Variants in PDE6A observed in about 807,000 individuals in gnomAD.
The protein encoded by PDE6A is phosphodiesterase 6A, also known as rod cGMP-specific 3',5'-cyclic phosphodiesterase subunit alpha.
A neutral mutation model predicts 106.3 loss-of-function variants in PDE6A; 84 were observed. The observed-to-expected ratio is 0.79, with a 90% CI of 0.66 to 0.95. The LOEUF is 0.95. Among genes scored for constraint, PDE6A ranks in the 40% least tolerant of loss-of-function variants. The pLI is 0.00. For missense variants in PDE6A, 1,052 were observed against 1,084.9 expected (o/e 0.97, Z 0.43); for synonymous variants, 394 against 386.6 (o/e 1.02, Z -0.23).
intron 12 of PDE6A, among the ~76,000 whole-genome samples, chr5:149,895,645 C>A (rs550228496): frequency 1.1e-3 from 171 of 150,186 alleles, no homozygotes; most frequent in Middle Eastern, 3.4e-3. Context: ...AAAAAAAAAA[C>A]AAAAACAAAA....
chr5:149,897,479 G>A lies in PDE6A; in HGVS notation c.1408-703C>T, dbSNP rs369550611. Among the ~76,000 whole-genome samples the A allele has an allele frequency of 3.9e-5, 6 of 152,308 alleles. 1 individual carries two copies. The highest frequency in any genetic ancestry group is 1.9e-4 in the East Asian group (1 of 5,194). ...AAACCATGAGGCAATTTATTTAAAC[G>A]GGATGTTTTCTCTTCTGAATTTAAC... On this transcript the variant is annotated intron_variant, in intron 10 of 21. Coordinates refer to ENST00000255266, the MANE Select transcript of PDE6A (RefSeq NM_000440.3).
chr5:149,884,555 T>C lies in PDE6A; in HGVS notation c.1951A>G (p.Asn651Asp). 6.2e-7 allele frequency: 1 copy of C among 1,613,748 alleles called. No individual in the cohort carries two copies. The highest frequency in any genetic ancestry group is 8.5e-7 in the Non-Finnish European group (1 of 1,179,808). ...ATGGCATGCTCATGCTGTCGACGAT[T>C]GAGGTTTTGAAAGATATTCAGGCTC... ...DESLNIFQNL[N>D]RRQHEHAIHM... is the part of the protein sequence containing the mutation. Residue 651 changes from asparagine to aspartate, a missense_variant, in exon 16 of 22, where the codon AAT becomes GAT. By Grantham distance (23) the Asn-to-Asp change is conservative. Around this residue, in one of 3 missense-constraint regions of PDE6A, gnomAD observed 913 missense variants for 915.2 expected, o/e 1.00. Transcript: ENST00000255266.
In PDE6A at chr5:149,898,475, A is replaced by C. The variant is rs748570630; in HGVS notation, c.1295T>G (p.Leu432Ter). The C allele has an allele frequency of 4.3e-6, 7 of 1,613,710 alleles. No individual in the cohort carries two copies. Among genetic ancestry groups the C allele is most frequent in the Non-Finnish European group, 5.9e-6 (7 of 1,179,928 alleles). ...CATTGACTCATAGGTGTCAGGATTT[A>C]AGACAGACCAGCCCAGAAATTGAGT... is the stretch of plus-strand genomic sequence containing the variant. ...SLTQFLGWSVLNPDTYESMNK... is the reference protein window; with the variant it reads ...SLTQFLGWSV Residue 432 changes from leucine (L) to a stop codon, truncating the protein, a stop_gained, in exon 10 of 22, where the codon TTA becomes TGA. Transcript: ENST00000255266. LOFTEE classifies it high-confidence loss of function.
rs1414232246 is a variant in PDE6A at position 149,934,559 on chromosome 5, TTCTTACC to T, written c.627_627+6del. Reference sequence around the variant, plus strand: ...ATGGCTATCCTTAGTCTCTAAAGCATTCTTACCTCTTCATCTCTCTTGGTGAAGTGGG... The same window carrying T: ...ATGGCTATCCTTAGTCTCTAAAGCATTCTTCATCTCTCTTGGTGAAGTGGG... On this transcript the variant is annotated splice_donor_variant and splice_donor_5th_base_variant and coding_sequence_variant and intron_variant, in exon 2 of 22. Transcript: ENST00000255266. LOFTEE classifies it high-confidence loss of function. 6.2e-7 allele frequency: 1 copy of T among 1,614,052 alleles called. No individual in the cohort carries two copies. Among genetic ancestry groups the T allele is most frequent in the African/African-American group, 1.3e-5 (1 of 75,052 alleles).
chr5:149,940,505 C>CTTTTATTTTTTTTT (rs1754299351), intron 1 of PDE6A, among the ~76,000 whole-genome samples: 5 of 142,018 alleles, frequency 3.5e-5, no homozygotes, highest in Non-Finnish European at 6.1e-5. Flanking sequence ...TGTTTGAATC[C>CTTTTATTTTTTTTT]TTTTTTTTTT....
chr5:149,904,847 T>C (rs1753124825), intron 7 of PDE6A, among the ~76,000 whole-genome samples: 1 of 152,214 alleles, frequency 6.6e-6, no homozygotes, highest in Non-Finnish European at 1.5e-5. Context: ...GTCTCTCTCA[T>C]GCTTGAAAAT....
At position 149,886,296 on chromosome 5, in the gene PDE6A, G is replaced by C. The variant is rs759801201; in HGVS notation, c.1807C>G (p.His603Asp). 5.6e-6 allele frequency: 9 copies of C among 1,613,794 alleles called. No homozygotes were observed. In the African/African-American group the frequency reaches 1.1e-4, roughly 19 times the overall value. The change falls in exon 14 of 22, where the codon CAC becomes GAC. Residue 603 changes from histidine (H) to aspartate (D), a missense_variant. Transcript: ENST00000255266. ...TGGTAGAGGTTATTGGTGCCTCTGTGGTCAATGTCATGGCAGAAAGCAGCA... is the reference window on the plus strand; with the variant it reads ...TGGTAGAGGTTATTGGTGCCTCTGTCGTCAATGTCATGGCAGAAAGCAGCA... ...VTAAFCHDIDHRGTNNLYQMK... is the reference protein window; with the variant it reads ...VTAAFCHDIDDRGTNNLYQMK...
At position 149,897,564 on chromosome 5, in the gene PDE6A, T is replaced by C. The variant is rs191030139; in HGVS notation, c.1408-788A>G. Among the ~76,000 whole-genome samples, 57 of 152,320 alleles carry C rather than the reference T, an allele frequency of 3.7e-4. No individual in the cohort carries two copies. The East Asian group carries it at 0.01, about 28-fold the overall frequency. On this transcript the variant is annotated intron_variant, in intron 10 of 21. Transcript: ENST00000255266. ...TATCTTCCCAGCTTAAGAAATGCCC[T>C]CTAAAAACATTAGCCTGTCTTTATT...
chr5:149,882,182 C>T (rs765548900), intron 17 of PDE6A, among the ~76,000 whole-genome samples: 188 of 152,144 alleles, frequency 1.2e-3, no homozygotes, highest in Admixed American at 2.4e-3. Flanking sequence ...TTGCACTGCT[C>T]CCAGAATCAG....
intron 5 of PDE6A, among the ~76,000 whole-genome samples, chr5:149,917,261 G>A (rs1027318772): frequency 6.6e-6 from 1 of 151,630 alleles, no homozygotes; most frequent in East Asian, 1.9e-4. Context: ...TCTTGAGTGT[G>A]TTTTTCACAC....
intron 16 of PDE6A, among the ~76,000 whole-genome samples, chr5:149,884,215 T>G (rs201051081): frequency 1.0e-4 from 15 of 146,456 alleles, no homozygotes; most frequent in African/African-American, 3.5e-4. Context: ...TATATATATA[T>G]ACACACACAC....
chr5:149,904,667 C>G (rs1343511866), intron 7 of PDE6A, among the ~76,000 whole-genome samples: 1 of 152,138 alleles, frequency 6.6e-6, no homozygotes, highest in East Asian at 1.9e-4. Flanking sequence ...AGTGGGCTGT[C>G]TGTGGTCTTA....
chr5:149,932,792 T>G, intron 3 of PDE6A: 1 of 805,860 alleles, frequency 1.2e-6, no homozygotes. Flanking sequence ...TCAATGTGCA[T>G]GTGCTGGATT....
chr5:149,928,231 A>ATATATATATATATTTT, intron 4 of PDE6A, among the ~76,000 whole-genome samples: 1 of 19,746 alleles, frequency 5.1e-5, no homozygotes, highest in Non-Finnish European at 8.3e-5. Context: ...ATATATATAT[A>ATATATATATATATTTT]TTTTTTTTTT....
At chr5:149,920,178 A>T (rs1753661715) in intron 5 of PDE6A, among the ~76,000 whole-genome samples, 1 of 152,156 alleles carries the variant, frequency 6.6e-6, no homozygotes, top group African/African-American at 2.4e-5. Flanking sequence ...AAAAACAAAA[A>T]CAAATAAAAT....
chr5:149,932,197 T>C (rs1179010814), intron 3 of PDE6A: 2 of 1,274,824 alleles, frequency 1.6e-6, no homozygotes, highest in African/African-American at 2.9e-5. Flanking sequence ...GTTCCTTCAA[T>C]TGTTGTATCT....
intron 8 of PDE6A, among the ~76,000 whole-genome samples, chr5:149,903,156 A>AAC: frequency 6.7e-6 from 1 of 148,820 alleles, no homozygotes; most frequent in South Asian, 2.1e-4. Flanking sequence ...CTAAAAAAAA[A>AAC]AAAAAAAAAA....
At chr5:149,901,693 T>C (rs191622249) in intron 8 of PDE6A, among the ~76,000 whole-genome samples, 9 of 152,356 alleles carry the variant, frequency 5.9e-5, no homozygotes, top group African/African-American at 1.2e-4. Context: ...AAGACTACGT[T>C]CTGCTGTGGT....
intron 17 of PDE6A, among the ~76,000 whole-genome samples, chr5:149,883,067 A>G (rs1760988690): frequency 6.6e-6 from 1 of 152,164 alleles, no homozygotes; most frequent in Non-Finnish European, 1.5e-5. Context: ...CAAAACAAAA[A>G]ACAAAACAAA....
Sources: gnomAD v4.1 joint callset for allele counts (sites outside exome capture counted in the v4.1 genomes callset) on GRCh38, gnomAD v4.1.1 for gene constraint, gnomAD v4.1.1 regional missense constraint, MANE v1.5 for transcripts, NCBI Gene and HGNC (gene_info 2026-07-23, HGNC 2026-07-21) for gene names.